Variants in MYT1L observed in about 807,000 individuals in gnomAD.
MYT1L encodes myelin transcription factor 1-like protein.
In MYT1L, 12 loss-of-function variants were observed where a neutral mutation model predicts 126.7. The observed-to-expected ratio is 0.09, with a 90% CI of 0.06 to 0.15. The LOEUF is 0.15. Among genes scored for constraint, MYT1L ranks in the 10% least tolerant of loss-of-function variants. The probability of loss-of-function intolerance (pLI) is 1.00; values close to 1 mark genes in which losing one functional copy is unlikely to be tolerated. For missense variants in MYT1L, 979 were observed against 1,585.2 expected (o/e 0.62, Z 6.49); for synonymous variants, 541 against 604.2 (o/e 0.90, Z 1.53).
At chr2:1,931,645 C>T (rs536611248) in intron 9 of MYT1L, among the ~76,000 whole-genome samples, 15 of 152,250 alleles carry the variant, frequency 9.9e-5, no homozygotes, top group Non-Finnish European at 1.9e-4. Flanking sequence ...CACTCCCAGC[C>T]ATTTTGTGTG....
At chr2:2,121,834 T>C (rs1043491087) in intron 3 of MYT1L, among the ~76,000 whole-genome samples, 1 of 152,214 alleles carries the variant, frequency 6.6e-6, no homozygotes, top group African/African-American at 2.4e-5. Context: ...CCTCCCACTT[T>C]GCTACTGGAG....
At chr2:2,089,528 C>T (rs188358074) in intron 3 of MYT1L, among the ~76,000 whole-genome samples, 1 of 152,238 alleles carries the variant, frequency 6.6e-6, no homozygotes, top group African/African-American at 2.4e-5. Context: ...CTAGAGAGGA[C>T]TTGGAAAATG....
intron 18 of MYT1L, among the ~76,000 whole-genome samples, chr2:1,876,161 A>G (rs2046880730): frequency 6.6e-6 from 1 of 152,102 alleles, no homozygotes; most frequent in Non-Finnish European, 1.5e-5. Flanking sequence ...GCACATTTGG[A>G]GAAGAAATCT....
At chr2:2,193,733 G>T (rs1013168310) in intron 2 of MYT1L, among the ~76,000 whole-genome samples, 1 of 152,156 alleles carries the variant, frequency 6.6e-6, no homozygotes, top group African/African-American at 2.4e-5. Flanking sequence ...ATCAGATTTG[G>T]ATAGCTAGGC....
chr2:2,312,367 T>C (rs2095986792), intron 1 of MYT1L, among the ~76,000 whole-genome samples: 1 of 152,100 alleles, frequency 6.6e-6, no homozygotes, highest in African/African-American at 2.4e-5. Context: ...TCCTAGCACT[T>C]TGAGAGGCCG....
intron 4 of MYT1L, among the ~76,000 whole-genome samples, chr2:2,021,052 G>A (rs1164887125): frequency 6.6e-6 from 1 of 152,220 alleles, no homozygotes; most frequent in Admixed American, 6.5e-5. Context: ...GCAGACACCT[G>A]AGAAGAGAAC....
At chr2:2,103,976 C>A (rs548269008) in intron 3 of MYT1L, among the ~76,000 whole-genome samples, 2 of 152,372 alleles carry the variant, frequency 1.3e-5, no homozygotes, top group African/African-American at 4.8e-5. Flanking sequence ...ATGATGGACT[C>A]ACCTCTGAGC....
rs1574175444 is a variant in MYT1L, at chr2:1,979,057, G to A, written c.152+108C>T. The stretch of plus-strand genomic sequence containing the variant: ...TGTGAGAAGAAAAAGAAGGCATAAT[G>A]TGTATTGCTTTCCAAGAACACCTGC... On this transcript the variant is annotated intron_variant, in intron 8 of 24. Transcript: ENST00000647738. This position sits in a 1 kb window ranked among gnomAD's most constrained non-coding sequence, Gnocchi z 4.0. 2 of 825,408 alleles carry A rather than the reference G, an allele frequency of 2.4e-6. No individual in the cohort carries two copies. The highest frequency in any genetic ancestry group is 1.7e-5 in the African/African-American group (1 of 58,656). The allele number at this position is 825,408 out of a possible 1,614,324, so 51.1% of individuals were successfully genotyped here. A position where few individuals can be genotyped will look rare whatever the true frequency, so the allele number is the denominator to read the frequency against.
intron 8 of MYT1L, among the ~76,000 whole-genome samples, chr2:1,967,446 A>G (rs143617522): frequency 7.2e-5 from 11 of 152,238 alleles, no homozygotes; most frequent in Admixed American, 3.9e-4. Context: ...AACGCGTGCT[A>G]AAGGGCCCTG....
At chr2:2,143,654 G>A (rs2084384536) in intron 3 of MYT1L, among the ~76,000 whole-genome samples, 1 of 152,136 alleles carries the variant, frequency 6.6e-6, no homozygotes, top group Admixed American at 6.5e-5. Context: ...TGTTAGAGGG[G>A]ACAGAAGGCT....
At chr2:2,275,202 A>ATGTGTGTGTGTGTGTGTGTG (rs10522538) in intron 2 of MYT1L, among the ~76,000 whole-genome samples, 1 of 139,452 alleles carries the variant, frequency 7.2e-6, no homozygotes, top group African/African-American at 2.7e-5. Context: ...TAATAATAAA[A>ATGTGTGTGTGTGTGTGTGTG]TGTGTGTGTG....
chr2:2,181,502 C>A (rs2091521710), intron 2 of MYT1L, among the ~76,000 whole-genome samples: 1 of 152,152 alleles, frequency 6.6e-6, no homozygotes, highest in Non-Finnish European at 1.5e-5. Flanking sequence ...TACCGTCTGT[C>A]AGAGGCTGTG....
rs775511647 is a variant in MYT1L at position 1,848,147 on chromosome 2, C to T, written c.2774+3494G>A. On this transcript the variant is annotated intron_variant, in intron 19 of 24. Transcript: ENST00000647738. This position sits in a 1 kb window ranked among gnomAD's most constrained non-coding sequence, Gnocchi z 4.8. ...GAGGACAGCTCCTCACCCAGTTTCCCAGAATGGGCCCAGGAGAAGGCTGGG... is the reference window on the plus strand; with the variant it reads ...GAGGACAGCTCCTCACCCAGTTTCCTAGAATGGGCCCAGGAGAAGGCTGGG... 1.4e-4 allele frequency among the ~76,000 whole-genome samples: 21 copies of T among 152,200 alleles called. No individual in the cohort carries two copies. Among genetic ancestry groups the T allele is most frequent in the Non-Finnish European group, 2.6e-4 (18 of 68,028 alleles).
chr2:1,999,821 T>A (rs1485928121), intron 4 of MYT1L, among the ~76,000 whole-genome samples: 2 of 152,206 alleles, frequency 1.3e-5, no homozygotes, highest in Admixed American at 6.5e-5. Flanking sequence ...CCCAGAAACA[T>A]ACATATGACT....
At chr2:2,122,597 C>T (rs983898065) in intron 3 of MYT1L, among the ~76,000 whole-genome samples, 1 of 152,158 alleles carries the variant, frequency 6.6e-6, no homozygotes, top group African/African-American at 2.4e-5. Flanking sequence ...GTCCTCCAAA[C>T]AAAATAGACG....
intron 8 of MYT1L, among the ~76,000 whole-genome samples, chr2:1,953,531 G>A (rs193244969): frequency 1.4e-4 from 21 of 152,322 alleles, no homozygotes; most frequent in Admixed American, 8.5e-4. Flanking sequence ...ACTCTGTGTC[G>A]CTAGACATTT....
chr2:1,851,336 C>T (rs966788900), intron 19 of MYT1L, among the ~76,000 whole-genome samples: 1 of 152,066 alleles, frequency 6.6e-6, no homozygotes, highest in Admixed American at 6.6e-5. Flanking sequence ...AGATACTGTT[C>T]TTTTGCCTTT....
Position 1,823,123 on chromosome 2 carries a change from G to A in MYT1L, c.3081-13956C>T, listed in dbSNP as rs114151088. Among the ~76,000 whole-genome samples the A allele has an allele frequency of 2.4e-3, 371 of 152,246 alleles. 2 individuals carry two copies. The highest frequency in any genetic ancestry group is 8.4e-3 in the African/African-American group (349 of 41,548). On this transcript the variant is annotated intron_variant, in intron 21 of 24. Coordinates refer to ENST00000647738, the MANE Select transcript of MYT1L (RefSeq NM_001303052.2). ...AGCTTTTGCCCTAAGCTCCTCAAAT[G>A]GCATCGACACGTGGGAGGAAAAGAT...
At chr2:2,004,950 T>C (rs2063041663) in intron 4 of MYT1L, among the ~76,000 whole-genome samples, 1 of 151,130 alleles carries the variant, frequency 6.6e-6, no homozygotes, top group Non-Finnish European at 1.5e-5. Context: ...ATGCGTTCTT[T>C]CCTGCATGCG....
Sources: allele counts gnomAD v4.1 joint callset (sites outside exome capture counted in the v4.1 genomes callset), GRCh38; gene constraint gnomAD v4.1.1; non-coding constraint Gnocchi (gnomAD v3.1); transcripts MANE v1.5; gene names NCBI Gene and HGNC (gene_info 2026-07-23, HGNC 2026-07-21).